Variants in RPSA2 observed in about 807,000 individuals in gnomAD.
RPSA2 encodes ribosomal protein SA 2, also known as small ribosomal subunit protein uS2B.
the RPSA2 span, among the ~76,000 whole-genome samples, chr19:23,802,814 A>G: frequency 6.6e-6 from 1 of 152,228 alleles, no homozygotes; most frequent in Non-Finnish European, 1.5e-5. Flanking sequence ...ATTATGCATC[A>G]TATGGTGGGT....
At chr19:23,805,993 A>ATCTG in the RPSA2 span, among the ~76,000 whole-genome samples, 1 of 138,588 alleles carries the variant, frequency 7.2e-6, no homozygotes, top group Admixed American at 7.3e-5. Context: ...TGGATTATCT[A>ATCTG]TCTGTCTGTC....
At chr19:23,783,108 G>A in the RPSA2 span, among the ~76,000 whole-genome samples, 1 of 83,284 alleles carries the variant, frequency 1.2e-5, no homozygotes, top group African/African-American at 4.2e-5. Flanking sequence ...TTAATTAATT[G>A]TTTTGAGATG....
At chr19:23,769,781 A>G in the RPSA2 span, among the ~76,000 whole-genome samples, 1 of 152,126 alleles carries the variant, frequency 6.6e-6, no homozygotes, top group Non-Finnish European at 1.5e-5. Context: ...AAGAACCTAG[A>G]TGAGGTGACT....
At chr19:23,774,760 AG>A in the RPSA2 span, among the ~76,000 whole-genome samples, 1 of 152,290 alleles carries the variant, frequency 6.6e-6, no homozygotes, top group South Asian at 2.1e-4. Flanking sequence ...CACTGGTCTC[AG>A]CACCCATGTG....
the RPSA2 span, among the ~76,000 whole-genome samples, chr19:23,812,875 T>A: frequency 6.6e-6 from 1 of 152,196 alleles, no homozygotes; most frequent in African/African-American, 2.4e-5. Flanking sequence ...TTCAGTTTTT[T>A]AAAAAGTAAC....
the RPSA2 span, among the ~76,000 whole-genome samples, chr19:23,792,314 C>T: frequency 2.0e-5 from 3 of 152,072 alleles, no homozygotes; most frequent in Non-Finnish European, 4.4e-5. Flanking sequence ...TTTGGGGAAC[C>T]TCCCCTGCAA....
At chr19:23,862,802 G>A in the RPSA2 span, among the ~76,000 whole-genome samples, 1 of 150,372 alleles carries the variant, frequency 6.7e-6, no homozygotes, top group East Asian at 1.9e-4. Flanking sequence ...AACAGTTTGA[G>A]TTCTAATAGC....
the RPSA2 span, among the ~76,000 whole-genome samples, chr19:23,816,007 G>A: frequency 1.5e-5 from 2 of 129,784 alleles, no homozygotes; most frequent in East Asian, 2.2e-4. Context: ...TTTTTTTTTC[G>A]CTCTGTGGTT....
At chr19:23,818,474 G>T in the RPSA2 span, 1 of 152,712 alleles carries the variant, frequency 6.5e-6, no homozygotes. Flanking sequence ...TAGTTAGGCT[G>T]AACTTTCTAC....
At chr19:23,856,525 G>T in the RPSA2 span, among the ~76,000 whole-genome samples, 1 of 152,070 alleles carries the variant, frequency 6.6e-6, no homozygotes, top group African/African-American at 2.4e-5. Flanking sequence ...CCGAACAAGT[G>T]TTTCTGTGGT....
the RPSA2 span, among the ~76,000 whole-genome samples, chr19:23,769,454 C>T: frequency 1.3e-5 from 2 of 152,214 alleles, no homozygotes; most frequent in Non-Finnish European, 2.9e-5. Context: ...AGTGATTCAA[C>T]TGCCTCAGCC....
At chr19:23,779,352 T>C in the RPSA2 span, among the ~76,000 whole-genome samples, 1 of 152,116 alleles carries the variant, frequency 6.6e-6, no homozygotes, top group Non-Finnish European at 1.5e-5. Context: ...CTCCATTGCT[T>C]GGACTCTGTC....
the RPSA2 span, among the ~76,000 whole-genome samples, chr19:23,854,065 C>G: frequency 6.6e-6 from 1 of 152,270 alleles, no homozygotes; most frequent in African/African-American, 2.4e-5. Context: ...GGCCCCGTGT[C>G]TTATCTCCTT....
chr19:23,824,777 ATCT>A, the RPSA2 span, among the ~76,000 whole-genome samples: 1 of 150,874 alleles, frequency 6.6e-6, no homozygotes. Flanking sequence ...CTTTATTTTC[ATCT>A]TCTTTTTAAA....
chr19:23,860,940 C>T, the RPSA2 span, among the ~76,000 whole-genome samples: 3 of 152,142 alleles, frequency 2.0e-5, no homozygotes, highest in Admixed American at 2.0e-4. Context: ...ACACTGGTGA[C>T]CCCATCTCAA....
chr19:23,870,407 CA>C, the RPSA2 span, among the ~76,000 whole-genome samples: 1 of 83,624 alleles, frequency 1.2e-5, no homozygotes, highest in Admixed American at 1.2e-4. Flanking sequence ...CACTGTCATT[CA>C]CACTCATATT....
the RPSA2 span, among the ~76,000 whole-genome samples, chr19:23,840,540 C>T: frequency 1.3e-3 from 191 of 152,138 alleles, no homozygotes; most frequent in African/African-American, 4.1e-3. Flanking sequence ...TTTTTAAATG[C>T]ACACTTAAAA....
chr19:23,808,731 C>G, the RPSA2 span: 587 of 765,906 alleles, frequency 7.7e-4, 2 homozygotes, highest in Non-Finnish European at 8.9e-4. Context: ...ATTACTGTCT[C>G]TAAGCCAGAC....
chr19:23,831,557 T>C, the RPSA2 span: 1,448 of 157,934 alleles, frequency 9.2e-3, 23 homozygotes, highest in South Asian at 0.014. Flanking sequence ...GTGAGTCTAG[T>C]AGGTGGAGTA....
Sources: gnomAD v4.1 joint callset for allele counts (sites outside exome capture counted in the v4.1 genomes callset) on GRCh38, gnomAD v4.1.1 for gene constraint, MANE v1.5 for transcripts, NCBI Gene and HGNC (gene_info 2026-07-23, HGNC 2026-07-21) for gene names.